The following FAM117B variants were observed in gnomAD, a reference collection of about 807,000 sequenced individuals.
FAM117B encodes family with sequence similarity 117 member B.
In FAM117B, 22 loss-of-function variants were observed where a neutral mutation model predicts 52.8. The ratio of observed to expected loss-of-function variants is 0.42; its 90% CI spans 0.30 to 0.59. FAM117B has a LOEUF of 0.59. FAM117B is among the 20% of genes least tolerant of loss of function. The pLI is 0.22. For missense variants in FAM117B, 678 were observed against 802.6 expected, an observed-to-expected ratio of 0.84 and a Z score of 1.88; for synonymous variants, 309 against 324.1, an observed-to-expected ratio of 0.95 and a Z score of 0.50.
At chr2:202,643,008 T>C (rs1233476886) in intron 1 of FAM117B, among the ~76,000 whole-genome samples, 2 of 152,194 alleles carry the variant, frequency 1.3e-5, no homozygotes, top group Non-Finnish European at 2.9e-5. Flanking sequence ...AGGCTGAGCC[T>C]GGAGAATAGG....
chr2:202,716,046 T>C (rs1008191675), intron 2 of FAM117B, among the ~76,000 whole-genome samples: 6 of 152,102 alleles, frequency 3.9e-5, no homozygotes, highest in African/African-American at 1.4e-4. Context: ...AGTCCAGCTT[T>C]GGCTCGGCAT....
chr2:202,700,958 C>G (rs1690787210), intron 2 of FAM117B, among the ~76,000 whole-genome samples: 1 of 152,142 alleles, frequency 6.6e-6, no homozygotes, highest in Non-Finnish European at 1.5e-5. Flanking sequence ...CCTTGGCCTC[C>G]CAAAGTGTTG....
Position 202,635,893 on chromosome 2 carries a change from T to A in FAM117B, c.601+105T>A, listed in dbSNP as rs544436567. 1.7e-5 allele frequency: 17 copies of A among 975,344 alleles called. No homozygotes were observed. In the South Asian group the frequency reaches 3.3e-4, roughly 19 times the overall value. 60.4% of individuals were successfully genotyped at this position (975,344 alleles called of 1,614,324 possible). On this transcript the variant is annotated intron_variant, in intron 1 of 7. Coordinates refer to ENST00000392238, the MANE Select transcript of FAM117B (RefSeq NM_173511.4). Reference sequence around the variant, plus strand: ...CTGCAGAGCTGCCGCGGAGCCCGGGTGGCTGGGGGCGGGGCTGGGGGCGGT... The same window carrying A: ...CTGCAGAGCTGCCGCGGAGCCCGGGAGGCTGGGGGCGGGGCTGGGGGCGGT...
At chr2:202,693,909 T>C (rs1352452007) in intron 1 of FAM117B, among the ~76,000 whole-genome samples, 3 of 152,202 alleles carry the variant, frequency 2.0e-5, no homozygotes, top group African/African-American at 7.2e-5. Context: ...AATTTTGAAA[T>C]AGTTTTTTTA....
intron 4 of FAM117B, among the ~76,000 whole-genome samples, chr2:202,731,342 TATATATATA>T (rs1462367749): frequency 2.5e-5 from 3 of 120,538 alleles, no homozygotes; most frequent in African/African-American, 9.3e-5. Flanking sequence ...AATATATATA[TATATATATA>T]TATATATATA....
At chr2:202,691,385 C>G (rs1402264252) in intron 1 of FAM117B, among the ~76,000 whole-genome samples, 1 of 152,050 alleles carries the variant, frequency 6.6e-6, no homozygotes, top group Non-Finnish European at 1.5e-5. Context: ...TGCCTCTGCA[C>G]TCCAGCCTGG....
intron 2 of FAM117B, among the ~76,000 whole-genome samples, chr2:202,704,605 C>G (rs1356304690): frequency 6.6e-6 from 1 of 152,082 alleles, no homozygotes; most frequent in South Asian, 2.1e-4. Context: ...GCCCTGGTTT[C>G]TTGATTTTCT....
rs140785133 is a variant in FAM117B at position 202,734,054 on chromosome 2, G to A, written c.960+7691G>A. ...TTCACAATTTATGTTCCTCTGCTGC[G>A]GCTCCAGCCAGTCCCTCTGTTCGGG... On this transcript the variant is annotated intron_variant, in intron 4 of 7. Transcript: ENST00000392238. 8.6e-3 allele frequency among the ~76,000 whole-genome samples: 1,303 copies of A among 152,268 alleles called. 23 individuals carry two copies. The highest frequency in any genetic ancestry group is 0.029 in the African/African-American group (1,224 of 41,544).
At chr2:202,729,288 C>T (rs1361964389) in intron 4 of FAM117B, among the ~76,000 whole-genome samples, 2 of 151,924 alleles carry the variant, frequency 1.3e-5, no homozygotes, top group African/African-American at 2.4e-5. Flanking sequence ...GAGCAGAGAT[C>T]GTGCCACTGC....
chr2:202,757,385 G>A lies in FAM117B; in HGVS notation c.1277G>A (p.Ser426Asn), dbSNP rs954666677. The change falls in exon 6 of 8, where the codon AGC becomes AAC. Residue 426 changes from serine to asparagine, a missense_variant. Ser to Asn is a conservative substitution (Grantham distance 46). Around this residue, in one of 3 missense-constraint regions of FAM117B, gnomAD observed 583 missense variants for 644.8 expected, o/e 0.90. Coordinates refer to ENST00000392238, the MANE Select transcript of FAM117B (RefSeq NM_173511.4). ...TTCCTCACCATTTCCAATGAAGGTA[G>A]CGAGGAGAGTCCTTGCTCAGCGGAT... ...TSFLTISNEG[S>N]EESPCSADDL... The A allele has an allele frequency of 3.1e-6, 5 of 1,613,994 alleles. No homozygotes were observed. The Admixed American group carries it at 5.0e-5, about 16-fold the overall frequency.
intron 4 of FAM117B, among the ~76,000 whole-genome samples, chr2:202,754,714 C>T (rs1691774893): frequency 6.6e-6 from 1 of 151,280 alleles, no homozygotes; most frequent in Non-Finnish European, 1.5e-5. Context: ...TGGTGAAACC[C>T]CGTCTCTACT....
At chr2:202,711,428 T>C (rs1690956202) in intron 2 of FAM117B, among the ~76,000 whole-genome samples, 1 of 152,124 alleles carries the variant, frequency 6.6e-6, no homozygotes, top group Non-Finnish European at 1.5e-5. Flanking sequence ...TGAGCTCCTT[T>C]TATATTTTGG....
intron 1 of FAM117B, among the ~76,000 whole-genome samples, chr2:202,675,234 A>AC (rs1374959873): frequency 6.6e-6 from 1 of 151,616 alleles, no homozygotes; most frequent in Non-Finnish European, 1.5e-5. Flanking sequence ...TCTTAAAAAA[A>AC]AAAAACAACA....
chr2:202,706,970 T>A (rs1054416971), intron 2 of FAM117B, among the ~76,000 whole-genome samples: 4 of 152,226 alleles, frequency 2.6e-5, no homozygotes, highest in African/African-American at 9.6e-5. Context: ...GGAGTTGTGT[T>A]CCTGTCCTTT....
chr2:202,646,828 A>AT (rs145060828), intron 1 of FAM117B, among the ~76,000 whole-genome samples: 45 of 151,368 alleles, frequency 3.0e-4, no homozygotes, highest in East Asian at 7.7e-4. Context: ...TTCCTGTATG[A>AT]TTTTTTTTTA....
At chr2:202,700,099 A>G (rs1690775272) in intron 2 of FAM117B, among the ~76,000 whole-genome samples, 1 of 152,152 alleles carries the variant, frequency 6.6e-6, no homozygotes, top group Admixed American at 6.5e-5. Flanking sequence ...TTGTTTTCTC[A>G]GACACAACAG....
intron 2 of FAM117B, among the ~76,000 whole-genome samples, chr2:202,721,871 T>C (rs1385882767): frequency 2.0e-5 from 3 of 151,998 alleles, no homozygotes; most frequent in Non-Finnish European, 2.9e-5. Flanking sequence ...TGGGCTCAAG[T>C]GATCCTGTAG....
chr2:202,678,714 G>A (rs1371383926), intron 1 of FAM117B, among the ~76,000 whole-genome samples: 4 of 152,078 alleles, frequency 2.6e-5, no homozygotes, highest in Non-Finnish European at 4.4e-5. Context: ...GCGCCACCAC[G>A]CCCAGCTAAT....
rs1400394885 is a variant in FAM117B, at chr2:202,635,635, G to C, written c.448G>C (p.Val150Leu). ...PPPPPPLLGT[V>L]SSPSSSPTHL... Reference sequence around the variant, plus strand: ...GCCGCCGCCGCCGCTGCTGGGCACCGTGTCGTCGCCCAGCTCGTCGCCCAC... The same window carrying C: ...GCCGCCGCCGCCGCTGCTGGGCACCCTGTCGTCGCCCAGCTCGTCGCCCAC... Residue 150 changes from valine to leucine, a missense_variant, in exon 1 of 8, where the codon GTG becomes CTG. By Grantham distance (32) the Val-to-Leu change is conservative. This residue lies in a region of FAM117B where 583 missense variants were observed against 644.8 expected (regional missense o/e 0.90). Coordinates refer to ENST00000392238, the MANE Select transcript of FAM117B (RefSeq NM_173511.4). The C allele has an allele frequency of 1.5e-6, 2 of 1,324,998 alleles. No homozygotes were observed. Among genetic ancestry groups the C allele is most frequent in the Non-Finnish European group, 1.9e-6 (2 of 1,040,494 alleles). 82.1% of individuals were successfully genotyped at this position (1,324,998 alleles called of 1,614,324 possible).
Sources: gnomAD v4.1 joint callset for allele counts (sites outside exome capture counted in the v4.1 genomes callset) on GRCh38, gnomAD v4.1.1 for gene constraint, gnomAD v4.1.1 regional missense constraint, MANE v1.5 for transcripts, NCBI Gene and HGNC (gene_info 2026-07-23, HGNC 2026-07-21) for gene names.